MARCHF1: variants seen among roughly 807,000 people sequenced by gnomAD.
MARCHF1 encodes membrane associated ring-CH-type finger 1, also known as E3 ubiquitin-protein ligase MARCHF1.
Under a neutral mutation model 54.2 loss-of-function variants are expected in MARCHF1, and 40 were observed. The observed-to-expected ratio is 0.74, with a 90% CI of 0.57 to 0.96. The LOEUF is 0.96. Ranked by LOEUF, MARCHF1 falls within the 40% of genes least tolerant of loss-of-function variation. The probability of loss-of-function intolerance (pLI) is 0.00; values close to 1 mark genes in which losing one functional copy is unlikely to be tolerated. For missense variants in MARCHF1, 586 were observed against 656.5 expected, an observed-to-expected ratio of 0.89 and a Z score of 1.17; for synonymous variants, 236 against 236.3, an observed-to-expected ratio of 1.00 and a Z score of 0.01.
chr4:163,964,160 T>C (rs2110819316), intron 3 of MARCHF1, among the ~76,000 whole-genome samples: 1 of 152,148 alleles, frequency 6.6e-6, no homozygotes, highest in Non-Finnish European at 1.5e-5. Flanking sequence ...CTATAACATT[T>C]ATTATACAAA....
intron 8 of MARCHF1, among the ~76,000 whole-genome samples, chr4:163,559,211 C>T (rs115417114): frequency 9.6e-4 from 146 of 152,126 alleles, no homozygotes; most frequent in African/African-American, 3.2e-3. Context: ...AAAACTAAAA[C>T]GGAAATAAAA....
At position 164,283,139 on chromosome 4, in the gene MARCHF1, A is replaced by G. The variant is rs370526143; in HGVS notation, c.-323+100731T>C. Among the ~76,000 whole-genome samples, 24 of 151,270 alleles carry G rather than the reference A, an allele frequency of 1.6e-4. 3 individuals are homozygous for G. In the Middle Eastern group the frequency reaches 0.01, roughly 64 times the overall value. ...AATCCTTACTACATCCCCACCAAAT[A>G]CAAATCTTATTCATGTTTGTACACA... On this transcript the variant is annotated intron_variant, in intron 1 of 9. Coordinates refer to ENST00000514618, the MANE Select transcript of MARCHF1 (RefSeq NM_001394959.1).
intron 3 of MARCHF1, among the ~76,000 whole-genome samples, chr4:163,920,343 T>C (rs1751400057): frequency 2.0e-5 from 3 of 152,232 alleles, no homozygotes; most frequent in African/African-American, 7.2e-5. Context: ...ATTAATTGTA[T>C]AAAACTCTCT....
At chr4:164,062,136 T>C (rs899470823) in intron 2 of MARCHF1, among the ~76,000 whole-genome samples, 1 of 152,218 alleles carries the variant, frequency 6.6e-6, no homozygotes, top group Admixed American at 6.5e-5. Flanking sequence ...AGAAATAGAT[T>C]CCATCTCAGA....
chr4:163,696,734 C>T (rs1744647006), intron 5 of MARCHF1, among the ~76,000 whole-genome samples: 1 of 152,142 alleles, frequency 6.6e-6, no homozygotes, highest in Non-Finnish European at 1.5e-5. Context: ...AAACAGCCTT[C>T]CCTGACAGTT....
At chr4:164,188,855 T>C in intron 1 of MARCHF1, 1 of 782,562 alleles carries the variant, frequency 1.3e-6, no homozygotes, top group South Asian at 1.3e-5. Context: ...CGCTGAGGCT[T>C]ATTTGAGAAA....
rs899469954 is a variant in MARCHF1 at position 163,528,755 on chromosome 4, G to A, written c.1631C>T (p.Ser544Leu). Residue 544 changes from serine (S) to leucine (L), a missense_variant, in exon 10 of 10, where the codon TCA (serine) becomes TTA (leucine). By Grantham distance (145) the Ser-to-Leu change is moderately radical. Coordinates refer to ENST00000514618, the MANE Select transcript of MARCHF1 (RefSeq NM_001394959.1). ...AACTCCCAACAGGTTCCATCAGACT[G>A]ATACAACTTCAGGGGGGCCACCCTC... ...SAEGGPPEVVSV is the reference protein window; with the variant it reads ...SAEGGPPEVVLV 7.5e-6 allele frequency: 12 copies of A among 1,609,060 alleles called. No homozygotes were observed. The highest frequency in any genetic ancestry group is 1.0e-5 in the Non-Finnish European group (12 of 1,177,060).
chr4:163,860,605 C>T (rs1395564317), intron 3 of MARCHF1, among the ~76,000 whole-genome samples: 1 of 152,116 alleles, frequency 6.6e-6, no homozygotes, highest in East Asian at 1.9e-4. Context: ...GAAATACAGG[C>T]TCACTAAAAG....
At chr4:164,137,030 T>C (rs901081716) in intron 1 of MARCHF1, among the ~76,000 whole-genome samples, 3 of 152,120 alleles carry the variant, frequency 2.0e-5, no homozygotes, top group South Asian at 2.1e-4. Flanking sequence ...CCCCAAAGGA[T>C]TGAAAGAAAC....
chr4:163,770,781 C>T (rs1747136367), intron 4 of MARCHF1, among the ~76,000 whole-genome samples: 1 of 152,270 alleles, frequency 6.6e-6, no homozygotes, highest in Non-Finnish European at 1.5e-5. Flanking sequence ...CTTCAACGCT[C>T]ATGAGATGAG....
chr4:164,336,879 G>GA (rs1729755672), intron 1 of MARCHF1, among the ~76,000 whole-genome samples: 1 of 152,116 alleles, frequency 6.6e-6, no homozygotes, highest in Non-Finnish European at 1.5e-5. Flanking sequence ...AATGGCTCTG[G>GA]AAAATTTTAT....
At chr4:163,876,874 G>A (rs923326160) in intron 3 of MARCHF1, among the ~76,000 whole-genome samples, 1 of 151,990 alleles carries the variant, frequency 6.6e-6, no homozygotes, top group Non-Finnish European at 1.5e-5. Context: ...ATAACCATAA[G>A]AAGAAATATT....
At chr4:163,728,765 G>T (rs934309141) in intron 4 of MARCHF1, among the ~76,000 whole-genome samples, 1 of 152,080 alleles carries the variant, frequency 6.6e-6, no homozygotes, top group Non-Finnish European at 1.5e-5. Context: ...TTTATTTCTT[G>T]CTTCCCAATC....
At chr4:164,337,258 T>C (rs1212908781) in intron 1 of MARCHF1, among the ~76,000 whole-genome samples, 1 of 152,044 alleles carries the variant, frequency 6.6e-6, no homozygotes, top group Admixed American at 6.6e-5. Context: ...GATTTGGGTG[T>C]CCCCCAAAGA....
intron 1 of MARCHF1, among the ~76,000 whole-genome samples, chr4:164,264,334 A>G (rs1733548462): frequency 6.6e-6 from 1 of 152,078 alleles, no homozygotes; most frequent in Non-Finnish European, 1.5e-5. Flanking sequence ...GGTCTACATG[A>G]GGGTGGAGTG....
chr4:163,585,333 A>C (rs1170022856), intron 8 of MARCHF1: 1 of 152,750 alleles, frequency 6.5e-6, no homozygotes, highest in Admixed American at 6.5e-5. Context: ...ATAACTTGTA[A>C]GAAATTTGAT....
intron 1 of MARCHF1, among the ~76,000 whole-genome samples, chr4:164,169,402 A>G (rs548500641): frequency 1.1e-4 from 16 of 152,152 alleles, no homozygotes; most frequent in African/African-American, 3.9e-4. Context: ...CTCCAACTCC[A>G]TCACAGTCCA....
At chr4:164,110,840 T>G (rs574999960) in intron 2 of MARCHF1, among the ~76,000 whole-genome samples, 10 of 151,868 alleles carry the variant, frequency 6.6e-5, no homozygotes, top group African/African-American at 9.6e-5. Flanking sequence ...AGAAAGCAGT[T>G]TGTAAAGGAG....
At chr4:163,723,982 G>A (rs34224158) in intron 4 of MARCHF1, among the ~76,000 whole-genome samples, 56,779 of 151,972 alleles carry the variant, frequency 0.37, 11,383 homozygotes, top group Admixed American at 0.45. Flanking sequence ...TCCTCCTTTA[G>A]CTCGGAGAAG....
Sources: gnomAD v4.1 joint callset for allele counts (sites outside exome capture counted in the v4.1 genomes callset) on GRCh38, gnomAD v4.1.1 for gene constraint, MANE v1.5 for transcripts, NCBI Gene and HGNC (gene_info 2026-07-23, HGNC 2026-07-21) for gene names.